SPI1: variants seen among roughly 807,000 people sequenced by gnomAD.
SPI1 encodes Spi-1 proto-oncogene, also known as transcription factor PU.1.
A neutral mutation model predicts 30.7 loss-of-function variants in SPI1; 3 were observed. That is an observed-to-expected ratio of 0.10 (90% CI 0.04 to 0.25). The LOEUF (loss-of-function observed/expected upper bound fraction) is 0.25, where lower values mean the gene tolerates loss of function less well. Among genes scored for constraint, SPI1 ranks in the 10% least tolerant of loss-of-function variants. SPI1 has a pLI of 1.00. For synonymous variants in SPI1, 169 were observed against 157.1 expected (o/e 1.08, Z -0.56); for missense variants, 261 against 371.5 (o/e 0.70, Z 2.45).
intron 2 of SPI1, among the ~76,000 whole-genome samples, chr11:47,361,328 C>G (rs765914613): frequency 6.6e-6 from 1 of 152,098 alleles, no homozygotes; most frequent in Non-Finnish European, 1.5e-5. Context: ...CTCTTCAAAG[C>G]CATGACCTTA....
intron 4 of SPI1, among the ~76,000 whole-genome samples, chr11:47,357,309 C>T (rs1276760318): frequency 6.6e-6 from 1 of 151,714 alleles, no homozygotes; most frequent in East Asian, 1.9e-4. Context: ...CACGCTCACA[C>T]CAGCTCTTTC....
chr11:47,354,884 T>G lies in SPI1; in HGVS notation c.*343A>C. On this transcript the variant is annotated 3_prime_UTR_variant, in exon 5 of 5. Transcript: ENST00000378538. ...ATGGATTGAGAATAACTTTACTTGT[T>G]TTTTGGGAGGAGGTTAATGGGTGGG... 8 of 214,038 alleles carry G rather than the reference T, an allele frequency of 3.7e-5. No individual in the cohort carries two copies. The highest frequency in any genetic ancestry group is 2.8e-5 in the Non-Finnish European group (3 of 107,828). 13.3% of individuals were successfully genotyped at this position (214,038 alleles called of 1,614,324 possible).
chr11:47,370,050 G>A (rs1391139893), intron 2 of SPI1, among the ~76,000 whole-genome samples: 1 of 152,242 alleles, frequency 6.6e-6, no homozygotes, highest in African/African-American at 2.4e-5. Flanking sequence ...TGGGGGATGA[G>A]TTTCAGCAGC....
At position 47,355,081 on chromosome 11, in the gene SPI1, G is replaced by A. The variant is rs990034866; in HGVS notation, c.*146C>T. ...CGGGATGTGGAGGGGGCCTGGAGTG[G>A]GGGGAGGGGGCGGGTGAGGCGAGGC... On this transcript the variant is annotated 3_prime_UTR_variant, in exon 5 of 5. Coordinates refer to ENST00000378538, the MANE Select transcript of SPI1 (RefSeq NM_003120.3). 2 of 474,782 alleles carry A rather than the reference G, an allele frequency of 4.2e-6. No homozygotes were observed. The highest frequency in any genetic ancestry group is 6.6e-6 in the Non-Finnish European group (2 of 305,094). 29.4% of individuals were successfully genotyped at this position (474,782 alleles called of 1,614,324 possible). A position where few individuals can be genotyped will look rare whatever the true frequency, so the allele number is the denominator to read the frequency against.
intron 2 of SPI1, among the ~76,000 whole-genome samples, chr11:47,371,898 C>T (rs1437638640): frequency 6.6e-6 from 1 of 152,096 alleles, no homozygotes; most frequent in Non-Finnish European, 1.5e-5. Flanking sequence ...CCTCTCTGGT[C>T]CTCTGTCAGG....
chr11:47,373,745 G>T (rs1432952335), intron 2 of SPI1, among the ~76,000 whole-genome samples: 1 of 152,122 alleles, frequency 6.6e-6, no homozygotes, highest in Non-Finnish European at 1.5e-5. Context: ...AACACTGGTG[G>T]AGTCTCTGGA....
At chr11:47,378,252 G>C in intron 1 of SPI1, 57 bp downstream of exon 1, 1 of 1,577,010 alleles carries the variant, frequency 6.3e-7, no homozygotes, top group Middle Eastern at 1.7e-4. Context: ...TTCGTGGGCA[G>C]GCAGGCAGGC....
rs2095911238 is a variant in SPI1 at position 47,356,938 on chromosome 11, TCACG to T, written c.494-1396_494-1393del. 2.7e-5 allele frequency among the ~76,000 whole-genome samples: 4 copies of T among 147,282 alleles called. 1 individual carries two copies. The South Asian group carries it at 8.7e-4, about 32-fold the overall frequency. On this transcript the variant is annotated intron_variant, in intron 4 of 4. Transcript: ENST00000378538. ...TGCTCACACACCTCACACCATTCAC[TCACG>T]CACACACCCACTCACACATGCTCAC...
chr11:47,365,156 C>T (rs61468175), intron 2 of SPI1, among the ~76,000 whole-genome samples: 4,005 of 152,282 alleles, frequency 0.026, 150 homozygotes, highest in South Asian at 0.19. Context: ...ACCCCATTTC[C>T]GGATGACTCT....
chr11:47,367,568 A>AAT (rs1468860970), intron 2 of SPI1, among the ~76,000 whole-genome samples: 5 of 150,814 alleles, frequency 3.3e-5, no homozygotes, highest in Admixed American at 1.3e-4. Context: ...AAAAAAAAAA[A>AAT]ATCCTATCGT....
rs267602905 is a variant in SPI1, at chr11:47,375,700, C to T, written c.75G>A (p.Thr25=). ...PPSEDLVPYD[T]DLYQRQTHEY... The stretch of plus-strand genomic sequence containing the variant: ...CGTGCGTTTGGCGTTGGTATAGATC[C>T]GTGTCATAGGGCACCAGGTCTTCTG... The change falls in exon 2 of 5, where the codon ACG becomes ACA. Residue 25 remains threonine (T), a synonymous_variant. Transcript: ENST00000378538. This position sits in a 1 kb window ranked among gnomAD's most constrained non-coding sequence, Gnocchi z 4.2. 4.3e-6 allele frequency: 7 copies of T among 1,613,922 alleles called. No individual in the cohort carries two copies. The highest frequency in any genetic ancestry group is 2.2e-5 in the East Asian group (1 of 44,864).
Position 47,375,587 on chromosome 11 carries a change from C to G in SPI1, c.142+46G>C. ...TTTTTCTCTCTCCAGACCCCAGGAG[C>G]CCAGGCTGGGCTGGGGGATGGGGGC... On this transcript the variant is annotated intron_variant, in intron 2 of 4. Transcript: ENST00000378538. This position sits in a 1 kb window ranked among gnomAD's most constrained non-coding sequence, Gnocchi z 4.2. The G allele has an allele frequency of 7.0e-7, 1 of 1,435,676 alleles. No individual in the cohort carries two copies. Among genetic ancestry groups the G allele is most frequent in the Non-Finnish European group, 9.8e-7 (1 of 1,017,636 alleles). The allele number at this position is 1,435,676 out of a possible 1,614,324, so 88.9% of individuals were successfully genotyped here.
intron 2 of SPI1, among the ~76,000 whole-genome samples, chr11:47,361,077 C>T (rs555492669): frequency 2.0e-5 from 3 of 151,916 alleles, no homozygotes; most frequent in Admixed American, 6.6e-5. Flanking sequence ...GCCGAGATTG[C>T]GCCACTGCAC....
In SPI1 at chr11:47,355,754, C is replaced by G. The variant is rs1314760245; in HGVS notation, c.494-208G>C. Among the ~76,000 whole-genome samples the G allele has an allele frequency of 2.0e-5, 3 of 146,466 alleles. No individual in the cohort carries two copies. In the Admixed American group the frequency reaches 2.1e-4, roughly 10 times the overall value. On this transcript the variant is annotated intron_variant, in intron 4 of 4. Transcript: ENST00000378538. ...CGCACACACAGGCGTTCACACACAC[C>G]CACTCACACCCACGCACTCACCCCC...
chr11:47,356,993 T>G (rs1471078845), intron 4 of SPI1, among the ~76,000 whole-genome samples: 1 of 145,794 alleles, frequency 6.9e-6, no homozygotes, highest in Non-Finnish European at 1.5e-5. Context: ...TGCTCACCTA[T>G]CCATACACAC....
At position 47,378,437 on chromosome 11, in the gene SPI1, G is replaced by A. The variant is rs1317917101; in HGVS notation, c.-84C>T. 1.3e-6 allele frequency: 2 copies of A among 1,492,120 alleles called. No individual in the cohort carries two copies. Among genetic ancestry groups the A allele is most frequent in the African/African-American group, 1.4e-5 (1 of 72,436 alleles). The allele number at this position is 1,492,120 out of a possible 1,614,324, so 92.4% of individuals were successfully genotyped here. A position where few individuals can be genotyped will look rare whatever the true frequency, so the allele number is the denominator to read the frequency against. Reference sequence around the variant, plus strand: ...CTCAGGATGGGGTGCCCCGTCAGGGGCTGGACGGTCGTGGGGCGGGTGCAG... The same window carrying A: ...CTCAGGATGGGGTGCCCCGTCAGGGACTGGACGGTCGTGGGGCGGGTGCAG... On this transcript the variant is annotated 5_prime_UTR_variant, in exon 1 of 5. Transcript: ENST00000378538.
intron 2 of SPI1, 65 bp from the exon 3 acceptor site, chr11:47,360,105 G>C: frequency 7.4e-7 from 1 of 1,354,488 alleles, no homozygotes; most frequent in Non-Finnish European, 9.9e-7. Flanking sequence ...AAAGGTTATA[G>C]TAACATTAAA....
intron 2 of SPI1, among the ~76,000 whole-genome samples, chr11:47,362,222 TA>T (rs1447515058): frequency 3.9e-5 from 6 of 152,180 alleles, no homozygotes; most frequent in African/African-American, 1.4e-4. Flanking sequence ...CAGACCTTGA[TA>T]AACATTAACT....
At chr11:47,357,185 A>T (rs1329612837) in intron 4 of SPI1, among the ~76,000 whole-genome samples, 1 of 149,954 alleles carries the variant, frequency 6.7e-6, no homozygotes, top group East Asian at 2.0e-4. Flanking sequence ...ACACCCACTC[A>T]CACACACCTG....
Sources: gnomAD v4.1 joint callset for allele counts (sites outside exome capture counted in the v4.1 genomes callset) on GRCh38, gnomAD v4.1.1 for gene constraint, Gnocchi (gnomAD v3.1) non-coding constraint, MANE v1.5 for transcripts, NCBI Gene and HGNC (gene_info 2026-07-23, HGNC 2026-07-21) for gene names.